RNF38: variants seen among roughly 807,000 people sequenced by gnomAD.
RNF38 encodes the protein E3 ubiquitin-protein ligase RNF38.
In RNF38, 15 loss-of-function variants were observed where a neutral mutation model predicts 67.2. The ratio of observed to expected loss-of-function variants is 0.22; its 90% CI spans 0.15 to 0.34. RNF38 has a LOEUF of 0.34. RNF38 is among the 10% of genes least tolerant of loss of function. RNF38 has a pLI of 1.00. For synonymous variants in RNF38, 220 were observed against 218.8 expected (o/e 1.01, Z -0.05); for missense variants, 524 against 639.9 (o/e 0.82, Z 1.95).
chr9:36,412,677 C>T (rs909183912), intron 2 of RNF38, among the ~76,000 whole-genome samples: 4 of 152,202 alleles, frequency 2.6e-5, no homozygotes, highest in South Asian at 2.1e-4. Flanking sequence ...CAGTGGCTCA[C>T]GCCTGTAATC....
upstream of RNF38, chr9:36,400,821 C>A: frequency 2.0e-6 from 2 of 985,304 alleles, no homozygotes; most frequent in Non-Finnish European, 2.4e-6. Flanking sequence ...TCCATCCTCT[C>A]CGCCCCCACG....
chr9:36,465,691 T>C (rs1587190035), intron 1 of RNF38, among the ~76,000 whole-genome samples: 1 of 152,182 alleles, frequency 6.6e-6, no homozygotes, highest in African/African-American at 2.4e-5. Context: ...GCAATCCATA[T>C]GTGCATTAAC....
In RNF38 at chr9:36,433,966, C is replaced by T. The variant is rs143188194; in HGVS notation, n.242-9283G>A. 4.3e-3 allele frequency among the ~76,000 whole-genome samples: 649 copies of T among 151,832 alleles called. 6 individuals are homozygous for T. The highest frequency in any genetic ancestry group is 0.015 in the African/African-American group (607 of 41,426). On this transcript the variant is annotated intron_variant and non_coding_transcript_variant, in intron 1 of 3. Coordinates refer to the RNF38 transcript ENST00000488058. ...ATACTTATAACTTTTAGGCCAGGCG[C>T]GGTGGCTCATGCCTGTAATTCCAGA...
intron 1 of RNF38, among the ~76,000 whole-genome samples, chr9:36,454,956 A>G (rs1839551971): frequency 6.6e-6 from 1 of 152,236 alleles, no homozygotes; most frequent in Non-Finnish European, 1.5e-5. Flanking sequence ...TGTTGTATCC[A>G]ACTAAACTTC....
In RNF38 at chr9:36,415,286, C is replaced by T. The variant is rs116657244; in HGVS notation, n.312+9327G>A. Among the ~76,000 whole-genome samples the T allele has an allele frequency of 2.3e-3, 350 of 152,226 alleles. 1 individual carries two copies. Among genetic ancestry groups the T allele is most frequent in the African/African-American group, 8.2e-3 (340 of 41,550 alleles). On this transcript the variant is annotated intron_variant and non_coding_transcript_variant, in intron 2 of 3. Transcript: ENST00000488058. The stretch of plus-strand genomic sequence containing the variant: ...TTAATTAAAAAGCCTTATCTTTGAG[C>T]CCTCAACTTCTTTCTTGTTCAATTC...
intron 2 of RNF38, 59 bp from the exon 3 acceptor site, chr9:36,376,186 G>T: frequency 7.8e-7 from 1 of 1,278,078 alleles, no homozygotes; most frequent in Non-Finnish European, 1.1e-6. Flanking sequence ...TCACATTACT[G>T]CATATGCACA....
rs1465229612 is a variant in RNF38, at chr9:36,423,934, G to A, written n.312+679C>T. Among the ~76,000 whole-genome samples the A allele has an allele frequency of 9.6e-5, 2 of 20,854 alleles. 1 individual carries two copies. Among genetic ancestry groups the A allele is most frequent in the Non-Finnish European group, 2.5e-4 (2 of 8,042 alleles). The allele number at this position is 20,854 out of a possible 152,430, so 13.7% of individuals were successfully genotyped here. A position where few individuals can be genotyped will look rare whatever the true frequency, so the allele number is the denominator to read the frequency against. On this transcript the variant is annotated intron_variant and non_coding_transcript_variant, in intron 2 of 3. Coordinates refer to the RNF38 transcript ENST00000488058. ...ACTGCACTCCAGCCTGGGCGACAGA[G>A]CGAGACTCCGTCTCAAAAAAAAAAA...
At chr9:36,485,909 G>GA (rs1319240375) in intron 1 of RNF38, among the ~76,000 whole-genome samples, 15 of 152,264 alleles carry the variant, frequency 9.9e-5, no homozygotes, top group Middle Eastern at 3.4e-3. Flanking sequence ...GCTCAAGCTA[G>GA]AACGTTTCTA....
At chr9:36,411,639 A>G in intron 2 of RNF38, among the ~76,000 whole-genome samples, 1 of 152,046 alleles carries the variant, frequency 6.6e-6, no homozygotes, top group East Asian at 1.9e-4. Flanking sequence ...TTGGGTCACT[A>G]CAACCTCCGC....
At chr9:36,468,538 G>A (rs1284353220) in intron 1 of RNF38, among the ~76,000 whole-genome samples, 2 of 152,166 alleles carry the variant, frequency 1.3e-5, no homozygotes, top group Non-Finnish European at 1.5e-5. Context: ...TGAGCCTGGC[G>A]TGGTGGCTCA....
chr9:36,479,297 G>A (rs1840194065), intron 1 of RNF38, among the ~76,000 whole-genome samples: 1 of 152,200 alleles, frequency 6.6e-6, no homozygotes, highest in Non-Finnish European at 1.5e-5. Context: ...TAATGGTGGA[G>A]GGAGGGTGCC....
rs1310479010 is a variant in RNF38 at position 36,474,856 on chromosome 9, A to G, written n.241+12452T>C. ...AGGAACAGAGGTAGAAAAATCACACACAGGGCCGGGCGCGGTGCCTCACGC... is the reference window on the plus strand; with the variant it reads ...AGGAACAGAGGTAGAAAAATCACACGCAGGGCCGGGCGCGGTGCCTCACGC... On this transcript the variant is annotated intron_variant and non_coding_transcript_variant, in intron 1 of 3. Coordinates refer to the RNF38 transcript ENST00000488058. Among the ~76,000 whole-genome samples, 3 of 147,774 alleles carry G rather than the reference A, an allele frequency of 2.0e-5. 1 individual carries two copies. The highest frequency in any genetic ancestry group is 4.5e-5 in the Non-Finnish European group (3 of 67,058).
At chr9:36,374,836 T>C (rs908861358) in intron 3 of RNF38, among the ~76,000 whole-genome samples, 4 of 152,188 alleles carry the variant, frequency 2.6e-5, no homozygotes, top group Non-Finnish European at 4.4e-5. Context: ...TATGACCTCA[T>C]TTAACGTTAA....
At chr9:36,379,320 C>T (rs1448678714) in intron 2 of RNF38, among the ~76,000 whole-genome samples, 2 of 152,168 alleles carry the variant, frequency 1.3e-5, no homozygotes, top group African/African-American at 2.4e-5. Flanking sequence ...AATTTTAGTA[C>T]TCTAAGGAAC....
rs1832636878 is a variant in RNF38, at chr9:36,338,818, A to C, written c.*934T>G. On this transcript the variant is annotated 3_prime_UTR_variant, in exon 12 of 12. Transcript: ENST00000259605. The stretch of plus-strand genomic sequence containing the variant: ...TTACTGGAAATGTAAAGGAAAAAAA[A>C]GTATCAACATTCAAATCACTGATTG... 6.6e-6 allele frequency: 1 copy of C among 152,656 alleles called. No homozygotes were observed. The highest frequency in any genetic ancestry group is 1.5e-5 in the Non-Finnish European group (1 of 68,036). 9.5% of individuals were successfully genotyped at this position (152,656 alleles called of 1,614,324 possible). A position where few individuals can be genotyped will look rare whatever the true frequency, so the allele number is the denominator to read the frequency against.
In RNF38 at chr9:36,436,696, G is replaced by A. The variant is rs577318601; in HGVS notation, n.242-12013C>T. Among the ~76,000 whole-genome samples, 7 of 151,800 alleles carry A rather than the reference G, an allele frequency of 4.6e-5. No homozygotes were observed. In the South Asian group the frequency reaches 6.2e-4, roughly 14 times the overall value. ...ACATTAGCCGGGCGTGGTGGCAGGC[G>A]CCTGTAGTCCCAGCTACTTGGGAGG... On this transcript the variant is annotated intron_variant and non_coding_transcript_variant, in intron 1 of 3. Coordinates refer to the RNF38 transcript ENST00000488058.
intron 1 of RNF38, among the ~76,000 whole-genome samples, chr9:36,475,145 CAA>C (rs10572878): frequency 0.52 from 63,237 of 122,650 alleles, 15,850 homozygotes; most frequent in Non-Finnish European, 0.57. Flanking sequence ...GACTCTGCCT[CAA>C]AAAAAAAAAA....
intron 1 of RNF38, among the ~76,000 whole-genome samples, chr9:36,441,262 G>A (rs1184971274): frequency 1.3e-5 from 2 of 152,024 alleles, no homozygotes; most frequent in Non-Finnish European, 1.5e-5. Context: ...TGTCAGCTAA[G>A]TGAAAGATAA....
chr9:36,475,145 C>CAAA (rs10572878), intron 1 of RNF38, among the ~76,000 whole-genome samples: 1 of 122,548 alleles, frequency 8.2e-6, no homozygotes, highest in Non-Finnish European at 1.7e-5. Context: ...GACTCTGCCT[C>CAAA]AAAAAAAAAA....
Sources: gnomAD v4.1 joint callset for allele counts (sites outside exome capture counted in the v4.1 genomes callset) on GRCh38, gnomAD v4.1.1 for gene constraint, MANE v1.5 for transcripts, NCBI Gene and HGNC (gene_info 2026-07-23, HGNC 2026-07-21) for gene names.